CCDC82: variants seen among roughly 807,000 people sequenced by gnomAD.
CCDC82 encodes the protein coiled-coil domain-containing protein 82.
Under a neutral mutation model 60.6 loss-of-function variants are expected in CCDC82, and 47 were observed. The observed-to-expected ratio is 0.77, with a 90% CI of 0.61 to 0.99. The LOEUF is 0.99. CCDC82 is among the 50% of genes least tolerant of loss of function. CCDC82 has a pLI of 0.00. For synonymous variants in CCDC82, 212 were observed against 207.4 expected, an observed-to-expected ratio of 1.02 and a Z score of -0.19; for missense variants, 588 against 633.0, an observed-to-expected ratio of 0.93 and a Z score of 0.76.
rs1211114540 is a variant in CCDC82, at chr11:96,356,539, T to C, written c.1566+2454A>G. On this transcript the variant is annotated intron_variant, in intron 9 of 9. Coordinates refer to ENST00000646818, the MANE Select transcript of CCDC82 (RefSeq NM_024725.4). Reference sequence around the variant, plus strand: ...ATCTTCAACTTCCCAGGAAGTCCCATCATCATATACACTTTCTTCTTAATG... The same window carrying C: ...ATCTTCAACTTCCCAGGAAGTCCCACCATCATATACACTTTCTTCTTAATG... 1.1e-5 allele frequency: 11 copies of C among 985,278 alleles called. No homozygotes were observed. In the South Asian group the frequency reaches 5.2e-4, roughly 46 times the overall value. 61.0% of individuals were successfully genotyped at this position (985,278 alleles called of 1,614,324 possible).
rs1864255244 is a variant in CCDC82, at chr11:96,354,660, A to G, written c.1567-946T>C. ...AGTAAAGAACAAAGTGTAACAAGTT[A>G]AGAGAGGGGTCAAGAATGATTTAGA... is the stretch of plus-strand genomic sequence containing the variant. On this transcript the variant is annotated intron_variant, in intron 9 of 9. Transcript: ENST00000646818. The G allele has an allele frequency of 2.0e-5, 3 of 152,214 alleles. No individual in the cohort carries two copies. In the South Asian group the frequency reaches 6.2e-4, roughly 32 times the overall value. 9.4% of individuals were successfully genotyped at this position (152,214 alleles called of 1,614,324 possible). A position where few individuals can be genotyped will look rare whatever the true frequency, so the allele number is the denominator to read the frequency against.
At chr11:96,358,577 C>T in intron 9 of CCDC82, 1 of 1,235,156 alleles carries the variant, frequency 8.1e-7, no homozygotes, top group Non-Finnish European at 1.0e-6. Context: ...TTTCCTCAGA[C>T]TGGCACCAGG....
At position 96,386,254 on chromosome 11, in the gene CCDC82, C is replaced by T. The variant is rs753771155; in HGVS notation, c.-15G>A. On this transcript the variant is annotated splice_region_variant and 5_prime_UTR_variant, in exon 3 of 10. Coordinates refer to ENST00000646818, the MANE Select transcript of CCDC82 (RefSeq NM_024725.4). ...ATTTTTTGAGCAATGGGAATCTTAC[C>T]GGACTATGTTTCCAGCTTTCCAAGA... 2 of 152,456 alleles carry T rather than the reference C, an allele frequency of 1.3e-5. 1 individual carries two copies. Among genetic ancestry groups the T allele is most frequent in the South Asian group, 4.1e-4 (2 of 4,828 alleles). 9.4% of individuals were successfully genotyped at this position (152,456 alleles called of 1,614,324 possible).
chr11:96,383,530 G>T (rs536811812), intron 4 of CCDC82, 57 bp from the exon 5 acceptor site: 3 of 1,093,776 alleles, frequency 2.7e-6, no homozygotes, highest in Non-Finnish European at 3.9e-6. Flanking sequence ...GGTAAGCATC[G>T]ATATAAAATT....
intron 9 of CCDC82, chr11:96,357,528 C>T: frequency 4.1e-6 from 4 of 985,326 alleles, no homozygotes; most frequent in Non-Finnish European, 4.8e-6. Flanking sequence ...CTTCTGGTGT[C>T]CTAAACCTTG....
chr11:96,373,525 C>A (rs773811860), intron 5 of CCDC82, 58 bp from the exon 6 acceptor site: 30 of 998,250 alleles, frequency 3.0e-5, no homozygotes, highest in Non-Finnish European at 4.5e-5. Context: ...TTCTTGAATA[C>A]AATAGGTTCC....
At chr11:96,383,633 G>A (rs909127961) in intron 4 of CCDC82, among the ~76,000 whole-genome samples, 160 bp from the exon 5 acceptor site, 1 of 151,866 alleles carries the variant, frequency 6.6e-6, no homozygotes, top group Non-Finnish European at 1.5e-5. Flanking sequence ...ATTAAATGCT[G>A]AACTTTTGAA....
intron 8 of CCDC82, chr11:96,364,750 C>G (rs1227957130): frequency 1.5e-5 from 6 of 413,726 alleles, no homozygotes; most frequent in Admixed American, 4.3e-5. Context: ...GGTGATTGCT[C>G]TAGACTCTGA....
At chr11:96,358,139 T>C in intron 9 of CCDC82, 1 of 986,656 alleles carries the variant, frequency 1.0e-6, no homozygotes, top group African/African-American at 1.7e-5. Context: ...AATTTCCCTA[T>C]GATATAGTCC....
At chr11:96,373,954 T>C (rs7926136) in intron 5 of CCDC82, among the ~76,000 whole-genome samples, 1,809 of 152,292 alleles carry the variant, frequency 0.012, 30 homozygotes, top group African/African-American at 0.041. Context: ...GCCCCAGATT[T>C]AGGATTTTCT....
At chr11:96,363,438 A>T (rs967556585) in intron 8 of CCDC82, 1 of 152,130 alleles carries the variant, frequency 6.6e-6, no homozygotes, top group Non-Finnish European at 1.5e-5. Context: ...ATTTAATCAC[A>T]CTCTCTTAAC....
intron 9 of CCDC82, chr11:96,358,156 T>C: frequency 2.0e-6 from 2 of 987,870 alleles, no homozygotes; most frequent in African/African-American, 1.7e-5. Context: ...GTCCAGGCAA[T>C]GGATCTCAAG....
chr11:96,360,605 G>A (rs1219691217), intron 8 of CCDC82, among the ~76,000 whole-genome samples: 1 of 152,166 alleles, frequency 6.6e-6, no homozygotes, highest in Non-Finnish European at 1.5e-5. Flanking sequence ...CCTAAGGAAA[G>A]AGTAAACTTC....
At chr11:96,363,718 A>G (rs1460428464) in intron 8 of CCDC82, 1 of 152,122 alleles carries the variant, frequency 6.6e-6, no homozygotes, top group Non-Finnish European at 1.5e-5. Context: ...TCCTCTAGGA[A>G]TCTTACTTTC....
intron 8 of CCDC82, among the ~76,000 whole-genome samples, chr11:96,360,589 T>G (rs1246337524): frequency 1.3e-5 from 2 of 152,114 alleles, no homozygotes; most frequent in Non-Finnish European, 2.9e-5. Flanking sequence ...TCTCATGGAG[T>G]AGTAACCTAA....
intron 9 of CCDC82, chr11:96,357,677 T>C (rs991289939): frequency 2.9e-5 from 29 of 984,934 alleles, no homozygotes; most frequent in Non-Finnish European, 3.3e-5. Context: ...TCTAATTCTT[T>C]ATAACTGTGC....
chr11:96,373,930 T>C (rs761375354), intron 5 of CCDC82, among the ~76,000 whole-genome samples: 3 of 152,206 alleles, frequency 2.0e-5, no homozygotes, highest in Non-Finnish European at 4.4e-5. Flanking sequence ...AAACTTCATT[T>C]CCCTTTTCAT....
At chr11:96,361,329 G>A (rs1864651148) in intron 8 of CCDC82, among the ~76,000 whole-genome samples, 1 of 151,986 alleles carries the variant, frequency 6.6e-6, no homozygotes, top group Non-Finnish European at 1.5e-5. Context: ...GGGAAGGAGA[G>A]GTGTTTAAAA....
chr11:96,355,482 G>A (rs1009109707), intron 9 of CCDC82: 1 of 152,092 alleles, frequency 6.6e-6, no homozygotes, highest in Non-Finnish European at 1.5e-5. Flanking sequence ...TGCTTAAAAC[G>A]TATTACATAT....
Sources: allele counts gnomAD v4.1 joint callset (sites outside exome capture counted in the v4.1 genomes callset), GRCh38; gene constraint gnomAD v4.1.1; transcripts MANE v1.5; gene names NCBI Gene and HGNC (gene_info 2026-07-23, HGNC 2026-07-21).